The following MED12L variants were observed in gnomAD, a reference collection of about 807,000 sequenced individuals.
MED12L encodes the protein mediator of RNA polymerase II transcription subunit 12-like protein.
MED12L carries 60 observed loss-of-function variants against 281.3 expected under a neutral mutation model. That is an observed-to-expected ratio of 0.21 (90% CI 0.17 to 0.26). The LOEUF is 0.26. Among genes scored for constraint, MED12L ranks in the 10% least tolerant of loss-of-function variants. The probability of loss-of-function intolerance (pLI) is 1.00; values close to 1 mark genes in which losing one functional copy is unlikely to be tolerated. For missense variants in MED12L, 2,146 were observed against 2,680.9 expected, an observed-to-expected ratio of 0.80 and a Z score of 4.41; for synonymous variants, 974 against 987.2, an observed-to-expected ratio of 0.99 and a Z score of 0.25.
intron 12 of MED12L, among the ~76,000 whole-genome samples, chr3:151,187,085 A>G (rs148533701): frequency 6.6e-5 from 10 of 152,352 alleles, no homozygotes; most frequent in African/African-American, 2.4e-4. Flanking sequence ...ACGAAAGATC[A>G]TATTGTTGAA....
intron 16 of MED12L, among the ~76,000 whole-genome samples, chr3:151,298,772 A>T (rs2149711293): frequency 6.6e-6 from 1 of 152,312 alleles, no homozygotes; most frequent in South Asian, 2.1e-4. Flanking sequence ...TTGTAGCCAG[A>T]TATAGCACAA....
chr3:151,102,374 C>A (rs1721490485), intron 2 of MED12L, among the ~76,000 whole-genome samples: 1 of 152,154 alleles, frequency 6.6e-6, no homozygotes, highest in African/African-American at 2.4e-5. Flanking sequence ...ACTAGTTTTT[C>A]TGAGGTTTAC....
intron 16 of MED12L, among the ~76,000 whole-genome samples, chr3:151,233,986 A>G (rs909742525): frequency 2.2e-4 from 34 of 152,206 alleles, no homozygotes; most frequent in African/African-American, 8.2e-4. Flanking sequence ...TGAGTAGAGA[A>G]ATTTAAAAAG....
Position 151,246,480 on chromosome 3 carries a change from C to A in MED12L, c.2250+52814C>A, listed in dbSNP as rs554863138. On this transcript the variant is annotated intron_variant, in intron 16 of 44. Coordinates refer to ENST00000687756, the MANE Select transcript of MED12L (RefSeq NM_001393769.1). ...GAAATAACGCCGCATATCTACAACT[C>A]TCTGATCTTTGACAAACCTGAGAAA... Among the ~76,000 whole-genome samples the A allele has an allele frequency of 4.7e-3, 717 of 151,934 alleles. 10 individuals are homozygous for A. Among genetic ancestry groups the A allele is most frequent in the African/African-American group, 0.016 (650 of 41,356 alleles).
chr3:151,086,893 C>G lies in MED12L; in HGVS notation c.-34C>G. ...TCAGAGGCGGCTGCTCCAGCTCCAA[C>G]TCTCATTCATTTCGCCGGTTAACAT... On this transcript the variant is annotated 5_prime_UTR_variant, in exon 2 of 45. Coordinates refer to ENST00000687756, the MANE Select transcript of MED12L (RefSeq NM_001393769.1). 7 of 1,537,318 alleles carry G rather than the reference C, an allele frequency of 4.6e-6. No homozygotes were observed. Among genetic ancestry groups the G allele is most frequent in the Non-Finnish European group, 6.2e-6 (7 of 1,135,386 alleles).
chr3:151,261,055 C>T (rs114936559), intron 16 of MED12L, among the ~76,000 whole-genome samples: 130 of 152,136 alleles, frequency 8.5e-4, no homozygotes, highest in Non-Finnish European at 1.4e-3. Context: ...GGAATGTCAT[C>T]GGCTTTTGTT....
Position 151,391,973 on chromosome 3 carries a change from T to C in MED12L, c.5608+1838T>C, listed in dbSNP as rs1025259901. On this transcript the variant is annotated intron_variant, in intron 38 of 44. Coordinates refer to ENST00000687756, the MANE Select transcript of MED12L (RefSeq NM_001393769.1). ...TTTTTAATGCCACGGTCCATGTGAA[T>C]TTTTAGCCATTTTAAACTTTGGAGA... 7.2e-5 allele frequency among the ~76,000 whole-genome samples: 11 copies of C among 152,284 alleles called. 1 individual carries two copies. Among genetic ancestry groups the C allele is most frequent in the Admixed American group, 5.2e-4 (8 of 15,302 alleles).
At chr3:151,243,070 A>G (rs1490768854) in intron 16 of MED12L, among the ~76,000 whole-genome samples, 1 of 150,554 alleles carries the variant, frequency 6.6e-6, no homozygotes, top group African/African-American at 2.4e-5. Context: ...TAGAGAAAAA[A>G]GAATAAAAAG....
intron 24 of MED12L, 93 bp from the exon 25 acceptor site, chr3:151,368,054 AAAT>A (rs3841945): frequency 0.23 from 237,613 of 1,028,732 alleles, 28,583 homozygotes; most frequent in Middle Eastern, 0.33. Context: ...AAATTTATTT[AAAT>A]AATTATTCCA....
chr3:151,350,085 C>A lies in MED12L; in HGVS notation c.2277C>A (p.Asn759Lys). 2 of 1,611,776 alleles carry A rather than the reference C, an allele frequency of 1.2e-6. No individual in the cohort carries two copies. The highest frequency in any genetic ancestry group is 1.1e-5 in the South Asian group (1 of 90,832). ...PLDESSSHEC[N>K]QRTILLYGVG... ...ATGAATCTTCAAGTCATGAATGTAA[C>A]CAGCGCACAATCCTTCTCTATGGAG... Residue 759 changes from asparagine (N) to lysine (K), a missense_variant, in exon 17 of 45, where the codon AAC becomes AAA. By Grantham distance (94) the Asn-to-Lys change is moderately conservative (BLOSUM62 0). This residue lies in a region of MED12L where 404 missense variants were observed against 603.5 expected (regional missense o/e 0.67). Coordinates refer to ENST00000687756, the MANE Select transcript of MED12L (RefSeq NM_001393769.1).
Position 151,432,721 on chromosome 3 carries a change from TAATTTTGGTTC to T in MED12L, c.6491-25_6491-15del. On this transcript the variant is annotated intron_variant, in intron 44 of 44. Transcript: ENST00000687756. ...CATCTGTGCAATAGTTTTGTGTCTG[TAATTTTGGTTC>T]AATTTATTTTTCTCCTTAGGCAACC... The T allele has an allele frequency of 1.3e-6, 2 of 1,585,730 alleles. No individual in the cohort carries two copies. Among genetic ancestry groups the T allele is most frequent in the Non-Finnish European group, 1.7e-6 (2 of 1,156,522 alleles).
At position 151,360,473 on chromosome 3, in the gene MED12L, G is replaced by C. The variant is rs1560075353; in HGVS notation, c.2826-1G>C. 1 of 1,611,360 alleles carries C rather than the reference G, an allele frequency of 6.2e-7. No homozygotes were observed. The highest frequency in any genetic ancestry group is 8.5e-7 in the Non-Finnish European group (1 of 1,178,530). On this transcript the variant is annotated splice_acceptor_variant, in intron 20 of 44. Coordinates refer to ENST00000687756, the MANE Select transcript of MED12L (RefSeq NM_001393769.1). LOFTEE classifies it high-confidence loss of function. ...ATTTCTTCGTATATTTTTCTCCTCA[G>C]GTTGTGTGGTGTGGTCAAGCATGTC...
rs1159672794 is a variant in MED12L at position 151,185,363 on chromosome 3, T to C, written c.1528T>C (p.Leu510=). 6.2e-7 allele frequency: 1 copy of C among 1,613,838 alleles called. No individual in the cohort carries two copies. The highest frequency in any genetic ancestry group is 8.5e-7 in the Non-Finnish European group (1 of 1,179,980). Residue 510 remains leucine, a synonymous_variant, in exon 12 of 45, where the codon TTA becomes CTA. Transcript: ENST00000687756. ...APNDEAVVTL[L]CEWAVSCKRS... The stretch of plus-strand genomic sequence containing the variant: ...CAACGATGAAGCTGTGGTGACGCTG[T>C]TATGTGAATGGGCCGTGAGCTGCAA...
chr3:151,316,229 C>T (rs959174261), intron 16 of MED12L, among the ~76,000 whole-genome samples: 2 of 151,544 alleles, frequency 1.3e-5, no homozygotes, highest in East Asian at 1.9e-4. Context: ...TACGGATAAA[C>T]GATTATGAAA....
intron 5 of MED12L, among the ~76,000 whole-genome samples, chr3:151,153,564 C>CTTTTTTTTTTTTTTTTTT (rs1177653143): frequency 4.2e-5 from 4 of 94,286 alleles, no homozygotes; most frequent in African/African-American, 9.0e-5. Context: ...TGTTTTCTTT[C>CTTTTTTTTTTTTTTTTTT]TTTTTTTTTT....
intron 16 of MED12L, among the ~76,000 whole-genome samples, chr3:151,300,478 T>A (rs566810814): frequency 1.5e-3 from 231 of 152,298 alleles, no homozygotes; most frequent in Admixed American, 0.012. Flanking sequence ...ATGTGCAATG[T>A]TGGATATTAT....
chr3:151,338,570 C>T, intron 16 of MED12L: 8 of 1,613,992 alleles, frequency 5.0e-6, no homozygotes, highest in Non-Finnish European at 6.8e-6. Flanking sequence ...CAAAAGTTCT[C>T]AGTGGTCCTG....
At chr3:151,383,943 T>G in intron 34 of MED12L, 55 bp downstream of exon 34, 1 of 1,527,930 alleles carries the variant, frequency 6.5e-7, no homozygotes, top group Non-Finnish European at 9.0e-7. Context: ...GGTATAAGCT[T>G]TGATATACTG....
intron 16 of MED12L, among the ~76,000 whole-genome samples, chr3:151,202,635 A>C (rs1470322623): frequency 1.3e-5 from 2 of 152,220 alleles, no homozygotes; most frequent in Non-Finnish European, 2.9e-5. Context: ...GCACCACTGC[A>C]CTCCAGCCTG....
Sources: allele counts gnomAD v4.1 joint callset (sites outside exome capture counted in the v4.1 genomes callset), GRCh38; gene constraint gnomAD v4.1.1; regional missense constraint gnomAD v4.1.1; transcripts MANE v1.5; gene names NCBI Gene and HGNC (gene_info 2026-07-23, HGNC 2026-07-21).